Variants in DGKI observed in about 807,000 individuals in gnomAD.
DGKI encodes the protein diacylglycerol kinase iota.
DGKI carries 55 observed loss-of-function variants against 147.5 expected under a neutral mutation model. The ratio of observed to expected loss-of-function variants is 0.37; its 90% confidence interval spans 0.30 to 0.47. The LOEUF (loss-of-function observed/expected upper bound fraction) is 0.47. DGKI is among the 20% of genes least tolerant of loss of function. DGKI has a pLI of 1.00. For missense variants in DGKI, 1,007 were observed against 1,323.8 expected (o/e 0.76, Z 3.71); for synonymous variants, 469 against 477.1 (o/e 0.98, Z 0.22).
chr7:137,647,564 C>T (rs948335581), intron 5 of DGKI, among the ~76,000 whole-genome samples: 5 of 152,192 alleles, frequency 3.3e-5, no homozygotes, highest in African/African-American at 1.2e-4. Flanking sequence ...ATGGACAATT[C>T]TGGGTCCTGT....
At chr7:137,820,323 C>T (rs1436656873) in intron 1 of DGKI, among the ~76,000 whole-genome samples, 2 of 152,326 alleles carry the variant, frequency 1.3e-5, no homozygotes, top group African/African-American at 2.4e-5. Context: ...TAACTACCTA[C>T]TGACATTCCA....
chr7:137,564,483 G>C (rs530091919), intron 19 of DGKI, among the ~76,000 whole-genome samples: 46 of 152,024 alleles, frequency 3.0e-4, no homozygotes, highest in African/African-American at 1.1e-3. Context: ...TCTGTCAGAA[G>C]ACTTGTATCC....
At chr7:137,459,537 C>A (rs1358848453) in intron 27 of DGKI, among the ~76,000 whole-genome samples, 1 of 143,496 alleles carries the variant, frequency 7.0e-6, no homozygotes, top group African/African-American at 2.6e-5. Context: ...TGCAGTGGCA[C>A]GGTCTTGGCT....
chr7:137,843,761 A>G (rs1175386645), intron 1 of DGKI, among the ~76,000 whole-genome samples: 1 of 142,952 alleles, frequency 7.0e-6, no homozygotes, highest in Non-Finnish European at 1.5e-5. Context: ...CCCCCTACAC[A>G]CACACACACA....
At chr7:137,429,591 A>G (rs1253007359) in intron 28 of DGKI, among the ~76,000 whole-genome samples, 18 of 152,120 alleles carry the variant, frequency 1.2e-4, no homozygotes, top group African/African-American at 3.6e-4. Flanking sequence ...CACAGCAAAA[A>G]AAACTACCAT....
At chr7:137,439,263 C>T (rs796466187) in intron 28 of DGKI, among the ~76,000 whole-genome samples, 83 of 152,256 alleles carry the variant, frequency 5.5e-4, no homozygotes, top group East Asian at 2.9e-3. Context: ...GTTTGGGCCA[C>T]GCCACAGTGT....
intron 1 of DGKI, among the ~76,000 whole-genome samples, chr7:137,822,282 C>A (rs1797928596): frequency 6.6e-6 from 1 of 152,144 alleles, no homozygotes; most frequent in Admixed American, 6.5e-5. Context: ...TGGCACATGC[C>A]TGTAATCCCA....
chr7:137,494,106 A>G (rs1478766868), intron 21 of DGKI, among the ~76,000 whole-genome samples: 2 of 152,218 alleles, frequency 1.3e-5, no homozygotes, highest in South Asian at 4.1e-4. Context: ...AGAATAACTC[A>G]GACAAATATG....
In DGKI at chr7:137,846,189, A is replaced by T. The variant is rs1334855922; in HGVS notation, c.401+273T>A. 1.3e-5 allele frequency among the ~76,000 whole-genome samples: 2 copies of T among 150,964 alleles called. No homozygotes were observed. Among genetic ancestry groups the T allele is most frequent in the African/African-American group, 4.9e-5 (2 of 40,796 alleles). On this transcript the variant is annotated intron_variant, in intron 1 of 32. Transcript: ENST00000614521. The surrounding 1 kb of genome is among the most constrained non-coding windows in gnomAD (Gnocchi z 4.0). ...CACACACACACACACACACACACAC[A>T]CACACACACACACAGACAAAATTTC...
intron 28 of DGKI, among the ~76,000 whole-genome samples, chr7:137,436,591 A>G (rs1813294347): frequency 6.6e-6 from 1 of 152,204 alleles, no homozygotes; most frequent in African/African-American, 2.4e-5. Flanking sequence ...AAGATATTCC[A>G]GAAATAGGTA....
intron 19 of DGKI, among the ~76,000 whole-genome samples, chr7:137,562,353 T>C (rs991056729): frequency 4.6e-5 from 7 of 152,238 alleles, no homozygotes; most frequent in Admixed American, 2.6e-4. Flanking sequence ...CTGGCCAACA[T>C]GGTGAAACCT....
rs1018436064 is a variant in DGKI, at chr7:137,381,709, C to T, written c.*9511G>A. 1 of 151,988 alleles carries T rather than the reference C, an allele frequency of 6.6e-6. No individual in the cohort carries two copies. The highest frequency in any genetic ancestry group is 2.4e-5 in the African/African-American group (1 of 41,374). The allele number at this position is 151,988 out of a possible 1,614,324, so 9.4% of individuals were successfully genotyped here. ...TGTATAATATTCAGATTCATGGTTG[C>T]CCACTTAACTATTGGTAATTTTAAA... On this transcript the variant is annotated 3_prime_UTR_variant, in exon 33 of 33. Transcript: ENST00000614521.
At chr7:137,679,380 A>C (rs747553339) in intron 2 of DGKI, among the ~76,000 whole-genome samples, 10 of 150,318 alleles carry the variant, frequency 6.7e-5, no homozygotes, top group Non-Finnish European at 1.5e-4. Flanking sequence ...GTAGTGCGGT[A>C]TTGGGGAAAG....
At chr7:137,450,479 G>C (rs1563026027) in intron 27 of DGKI, among the ~76,000 whole-genome samples, 1 of 152,114 alleles carries the variant, frequency 6.6e-6, no homozygotes, top group Non-Finnish European at 1.5e-5. Flanking sequence ...AGCACTTTGG[G>C]AGGCCAAGGC....
At chr7:137,434,539 C>T (rs970310774) in intron 28 of DGKI, among the ~76,000 whole-genome samples, 8 of 152,168 alleles carry the variant, frequency 5.3e-5, no homozygotes, top group Non-Finnish European at 5.9e-5. Flanking sequence ...CGAGATTGTG[C>T]CACTGCACTC....
intron 27 of DGKI, chr7:137,455,007 T>C (rs2128922193): frequency 6.6e-6 from 1 of 152,316 alleles, no homozygotes; most frequent in Middle Eastern, 3.4e-3. Flanking sequence ...ACTTATCTCG[T>C]GATCCCGGAT....
chr7:137,424,923 G>A (rs1394412962), intron 28 of DGKI, among the ~76,000 whole-genome samples: 11 of 152,230 alleles, frequency 7.2e-5, no homozygotes, highest in African/African-American at 1.9e-4. Context: ...AGCTCAAGGA[G>A]GCCTGCCTGC....
At chr7:137,564,014 T>A (rs1194528915) in intron 19 of DGKI, among the ~76,000 whole-genome samples, 3 of 152,088 alleles carry the variant, frequency 2.0e-5, no homozygotes, top group African/African-American at 7.2e-5. Flanking sequence ...ATTACCAGAT[T>A]CAAGGGTTAC....
At chr7:137,716,496 A>G (rs895555926) in intron 1 of DGKI, among the ~76,000 whole-genome samples, 1 of 152,234 alleles carries the variant, frequency 6.6e-6, no homozygotes, top group Non-Finnish European at 1.5e-5. Flanking sequence ...TAACTCAAAC[A>G]TAAAGCCAGA....
Sources: gnomAD v4.1 joint callset for allele counts (sites outside exome capture counted in the v4.1 genomes callset) on GRCh38, gnomAD v4.1.1 for gene constraint, Gnocchi (gnomAD v3.1) non-coding constraint, MANE v1.5 for transcripts, NCBI Gene and HGNC (gene_info 2026-07-23, HGNC 2026-07-21) for gene names.